Variants in CDH12 observed in about 807,000 individuals in gnomAD.
CDH12 encodes the protein cadherin-12.
Under a neutral mutation model 74.1 loss-of-function variants are expected in CDH12, and 41 were observed. That is an observed-to-expected ratio of 0.55 (90% confidence interval 0.43 to 0.72). The LOEUF is 0.72. CDH12 is among the 30% of genes least tolerant of loss of function. The pLI, the probability that CDH12 is intolerant of heterozygous loss-of-function variation, is 0.00. For missense variants in CDH12, 945 were observed against 977.2 expected, an observed-to-expected ratio of 0.97 and a Z score of 0.44; for synonymous variants, 399 against 355.0, an observed-to-expected ratio of 1.12 and a Z score of -1.39.
At chr5:22,439,625 A>G (rs1407022048) in intron 2 of CDH12, among the ~76,000 whole-genome samples, 1 of 152,064 alleles carries the variant, frequency 6.6e-6, no homozygotes, top group Non-Finnish European at 1.5e-5. Flanking sequence ...AAATGAGTGG[A>G]ATTTCCTAGT....
At chr5:22,615,711 G>A (rs998806734) in intron 1 of CDH12, among the ~76,000 whole-genome samples, 2 of 152,102 alleles carry the variant, frequency 1.3e-5, no homozygotes, top group Admixed American at 1.3e-4. Flanking sequence ...CTAAAAATTT[G>A]TAAATGAAAA....
intron 1 of CDH12, among the ~76,000 whole-genome samples, chr5:22,545,027 CTATT>C (rs982597665): frequency 4.3e-4 from 65 of 152,110 alleles, no homozygotes; most frequent in Admixed American, 3.6e-3. Context: ...AAACACAACA[CTATT>C]TATCAGCCAC....
intron 9 of CDH12, among the ~76,000 whole-genome samples, chr5:21,808,276 G>A (rs1453750354): frequency 6.6e-6 from 1 of 151,934 alleles, no homozygotes; most frequent in African/African-American, 2.4e-5. Context: ...CCTGAGCAAA[G>A]GAACCAGTTA....
At chr5:22,794,517 A>T (rs1050757280) in intron 1 of CDH12, among the ~76,000 whole-genome samples, 1 of 152,200 alleles carries the variant, frequency 6.6e-6, no homozygotes, top group African/African-American at 2.4e-5. Context: ...TACCTATGAC[A>T]TGAGAAAGCT....
intron 3 of CDH12, among the ~76,000 whole-genome samples, chr5:22,275,562 A>G (rs115410279): frequency 1.3e-5 from 2 of 152,150 alleles, no homozygotes; most frequent in African/African-American, 4.8e-5. Flanking sequence ...ATTGGGGTCT[A>G]TATTAGAAGA....
chr5:22,303,715 C>G (rs917193083), intron 3 of CDH12, among the ~76,000 whole-genome samples: 1 of 152,006 alleles, frequency 6.6e-6, no homozygotes, highest in Non-Finnish European at 1.5e-5. Flanking sequence ...AGTTCATGAC[C>G]GATTATCTTA....
At chr5:22,232,688 A>G (rs1433780263) in intron 3 of CDH12, among the ~76,000 whole-genome samples, 1 of 151,550 alleles carries the variant, frequency 6.6e-6, no homozygotes, top group East Asian at 1.9e-4. Context: ...ATAGTTGAGA[A>G]GAAAGCTTCT....
At chr5:21,778,501 ATTCTGCCG>A (rs1174325044) in intron 11 of CDH12, among the ~76,000 whole-genome samples, 1 of 137,126 alleles carries the variant, frequency 7.3e-6, no homozygotes, top group African/African-American at 2.6e-5. Flanking sequence ...ACTTCAGACG[ATTCTGCCG>A]GAAAAATCTC....
intron 3 of CDH12, among the ~76,000 whole-genome samples, chr5:22,284,010 T>C (rs1293853725): frequency 6.6e-6 from 1 of 152,140 alleles, no homozygotes; most frequent in Non-Finnish European, 1.5e-5. Flanking sequence ...TGTCAATTTT[T>C]AAAATAAACT....
At chr5:22,773,443 T>C (rs940900656) in intron 1 of CDH12, among the ~76,000 whole-genome samples, 2 of 152,154 alleles carry the variant, frequency 1.3e-5, no homozygotes, top group Non-Finnish European at 2.9e-5. Context: ...GATAACTGGC[T>C]AGCCATATGC....
In CDH12 at chr5:22,244,957, CA is replaced by C. The variant is rs199590296; in HGVS notation, c.-332-32315del. On this transcript the variant is annotated intron_variant, in intron 3 of 14. Coordinates refer to ENST00000382254, the MANE Select transcript of CDH12 (RefSeq NM_004061.5). Reference sequence around the variant, plus strand: ...AACTACGCAGGTATCTAGAAAAGAGCATTCCTGGAGGAGGGAAGAGTCAGTG... The same window carrying C: ...AACTACGCAGGTATCTAGAAAAGAGCTTCCTGGAGGAGGGAAGAGTCAGTG... Among the ~76,000 whole-genome samples the C allele has an allele frequency of 4.7e-4, 72 of 152,112 alleles. No individual in the cohort carries two copies. The East Asian group carries it at 0.014, about 30-fold the overall frequency.
intron 3 of CDH12, among the ~76,000 whole-genome samples, chr5:22,325,086 T>C (rs1417935885): frequency 2.0e-5 from 3 of 152,200 alleles, no homozygotes; most frequent in African/African-American, 7.2e-5. Context: ...GAAATTAACC[T>C]GCAAGAAAAT....
At chr5:22,693,455 G>A (rs269012) in intron 1 of CDH12, among the ~76,000 whole-genome samples, 108,429 of 151,954 alleles carry the variant, frequency 0.71, 39,121 homozygotes, top group African/African-American at 0.81. Flanking sequence ...AGAGAGAAGG[G>A]GACTTAGATT....
At position 22,497,638 on chromosome 5, in the gene CDH12, CTTTTTT is replaced by C. The variant is rs747466944; in HGVS notation, c.-428+7626_-428+7631del. Among the ~76,000 whole-genome samples the C allele has an allele frequency of 9.7e-4, 81 of 83,248 alleles. 1 individual carries two copies. Among genetic ancestry groups the C allele is most frequent in the South Asian group, 3.8e-3 (7 of 1,824 alleles). 54.6% of individuals were successfully genotyped at this position (83,248 alleles called of 152,430 possible). A position where few individuals can be genotyped will look rare whatever the true frequency, so the allele number is the denominator to read the frequency against. Reference sequence around the variant, plus strand: ...CAAGGCCCCACTGCCTGTCGAATCTCTTTTTTTTTTTTTTTTTTTTTTGAGATGTAA... The same window carrying C: ...CAAGGCCCCACTGCCTGTCGAATCTCTTTTTTTTTTTTTTTTGAGATGTAA... On this transcript the variant is annotated intron_variant, in intron 2 of 14. Coordinates refer to ENST00000382254, the MANE Select transcript of CDH12 (RefSeq NM_004061.5).
At chr5:22,059,413 A>G (rs1377939817) in intron 5 of CDH12, among the ~76,000 whole-genome samples, 1 of 151,506 alleles carries the variant, frequency 6.6e-6, no homozygotes, top group Non-Finnish European at 1.5e-5. Flanking sequence ...TTTTAAAGCT[A>G]TACCACTGGT....
intron 1 of CDH12, chr5:22,580,797 T>C (rs1482386770): frequency 4.1e-6 from 1 of 242,278 alleles, no homozygotes; most frequent in Non-Finnish European, 8.5e-6. Flanking sequence ...TTTCTCCCAT[T>C]AACAACTTGA....
At position 22,206,406 on chromosome 5, in the gene CDH12, T is replaced by A. The variant is rs541816842; in HGVS notation, c.-187+6092A>T. Among the ~76,000 whole-genome samples the A allele has an allele frequency of 6.6e-5, 10 of 152,216 alleles. No individual in the cohort carries two copies. In the East Asian group the frequency reaches 1.9e-3, roughly 29 times the overall value. ...GTTACCTGGGAAATTTTTTTTTAAA[T>A]CCCAATAATTAGGCCACATTCTTAT... is the stretch of plus-strand genomic sequence containing the variant. On this transcript the variant is annotated intron_variant, in intron 4 of 14. Coordinates refer to ENST00000382254, the MANE Select transcript of CDH12 (RefSeq NM_004061.5).
intron 6 of CDH12, among the ~76,000 whole-genome samples, chr5:21,933,777 A>C (rs1035253166): frequency 2.0e-5 from 3 of 152,202 alleles, no homozygotes; most frequent in Non-Finnish European, 2.9e-5. Context: ...GGAGAAATTT[A>C]TATATGGCAA....
At chr5:21,841,316 T>C (rs1749836211) in intron 8 of CDH12, among the ~76,000 whole-genome samples, 1 of 152,108 alleles carries the variant, frequency 6.6e-6, no homozygotes, top group South Asian at 2.1e-4. Flanking sequence ...AGATATCGTC[T>C]CACACCAGTT....
Sources: allele counts gnomAD v4.1 joint callset (sites outside exome capture counted in the v4.1 genomes callset), GRCh38; gene constraint gnomAD v4.1.1; transcripts MANE v1.5; gene names NCBI Gene and HGNC (gene_info 2026-07-23, HGNC 2026-07-21).